Variants in TRPM8 observed in about 807,000 individuals in gnomAD.
TRPM8 encodes the protein transient receptor potential cation channel subfamily M member 8.
In TRPM8, 110 loss-of-function variants were observed where a neutral mutation model predicts 133.7. The observed-to-expected ratio is 0.82, with a 90% confidence interval of 0.70 to 0.96. The LOEUF (loss-of-function observed/expected upper bound fraction) is 0.96, where lower values mean the gene tolerates loss of function less well. Ranked by LOEUF, TRPM8 falls within the 40% of genes least tolerant of loss-of-function variation. The probability of loss-of-function intolerance (pLI) is 0.00; values close to 1 mark genes in which losing one functional copy is unlikely to be tolerated. For missense variants in TRPM8, 1,291 were observed against 1,379.5 expected (o/e 0.94, Z 1.02); for synonymous variants, 535 against 532.3 (o/e 1.01, Z -0.07).
In TRPM8 at chr2:233,985,678, A is replaced by G. The variant is rs773952580; in HGVS notation, c.2762-10A>G. 1.2e-5 allele frequency: 19 copies of G among 1,611,538 alleles called. No homozygotes were observed. Among genetic ancestry groups the G allele is most frequent in the Non-Finnish European group, 1.5e-5 (18 of 1,178,180 alleles). On this transcript the variant is annotated splice_polypyrimidine_tract_variant and intron_variant, in intron 20 of 25. Coordinates refer to ENST00000324695, the MANE Select transcript of TRPM8 (RefSeq NM_024080.5). Reference sequence around the variant, plus strand: ...GTCCTCACTTTGCCTGTTGGTTTCTACATCCTCAGGTACCACGTATGACTT... The same window carrying G: ...GTCCTCACTTTGCCTGTTGGTTTCTGCATCCTCAGGTACCACGTATGACTT...
At position 233,971,216 on chromosome 2, in the gene TRPM8, C is replaced by T. The variant is rs533516693; in HGVS notation, c.2355+790C>T. 2.0e-5 allele frequency among the ~76,000 whole-genome samples: 3 copies of T among 152,286 alleles called. No individual in the cohort carries two copies. The South Asian group carries it at 6.2e-4, about 32-fold the overall frequency. The stretch of plus-strand genomic sequence containing the variant: ...CTAGGCACTTACAGTTTCCGAGGTA[C>T]AATGCCGTGTGCTATGATAGATCTG... On this transcript the variant is annotated intron_variant, in intron 17 of 25. Coordinates refer to ENST00000324695, the MANE Select transcript of TRPM8 (RefSeq NM_024080.5).
intron 4 of TRPM8, among the ~76,000 whole-genome samples, chr2:233,938,499 C>T (rs1370861876): frequency 6.6e-6 from 1 of 152,210 alleles, no homozygotes; most frequent in African/African-American, 2.4e-5. Context: ...TGGTTTCATA[C>T]ATTTTAGGGA....
chr2:233,950,608 C>T (rs898446144), intron 9 of TRPM8, among the ~76,000 whole-genome samples: 6 of 152,238 alleles, frequency 3.9e-5, no homozygotes, highest in Admixed American at 6.5e-5. Context: ...CAGCGCCGGA[C>T]ACCTGCTGAC....
At chr2:233,949,922 C>G (rs1691132573) in intron 8 of TRPM8, 27 bp from the exon 9 acceptor site, 1 of 1,610,740 alleles carries the variant, frequency 6.2e-7, no homozygotes, top group Admixed American at 1.7e-5. Flanking sequence ...GGTCTCTGAT[C>G]TGTCTGACTC....
chr2:234,012,978 G>A (rs1282929242), intron 24 of TRPM8, among the ~76,000 whole-genome samples: 1 of 152,062 alleles, frequency 6.6e-6, no homozygotes, highest in Non-Finnish European at 1.5e-5. Flanking sequence ...ACCCCTGGGT[G>A]GTGGTGTCTT....
chr2:233,972,166 G>A (rs1248532693), intron 17 of TRPM8, among the ~76,000 whole-genome samples: 2 of 151,860 alleles, frequency 1.3e-5, no homozygotes, highest in Non-Finnish European at 2.9e-5. Flanking sequence ...ACAGAGTGAC[G>A]ATTGGTGTAT....
chr2:233,959,215 G>A (rs1298923273), intron 11 of TRPM8, among the ~76,000 whole-genome samples: 2 of 152,116 alleles, frequency 1.3e-5, no homozygotes, highest in South Asian at 2.1e-4. Flanking sequence ...TAGTAGAGAC[G>A]AGGTTTTACC....
intron 2 of TRPM8, among the ~76,000 whole-genome samples, chr2:233,929,316 T>C (rs761255506): frequency 6.6e-6 from 1 of 152,118 alleles, no homozygotes; most frequent in Non-Finnish European, 1.5e-5. Context: ...GTTCAAAGGA[T>C]TGGGAAGATA....
intron 4 of TRPM8, 104 bp downstream of exon 4, chr2:233,937,613 G>A (rs1690788420): frequency 7.4e-7 from 1 of 1,346,280 alleles, no homozygotes. Flanking sequence ...CAGGAGAGAT[G>A]GGTAGTAAAC....
At chr2:233,999,278 C>T (rs183784107) in intron 22 of TRPM8, among the ~76,000 whole-genome samples, 2 of 151,562 alleles carry the variant, frequency 1.3e-5, no homozygotes, top group African/African-American at 2.4e-5. Context: ...CATGCAGTGC[C>T]GGCTGGCCAG....
chr2:233,927,235 G>A (rs1337967143), intron 2 of TRPM8, among the ~76,000 whole-genome samples: 1 of 152,204 alleles, frequency 6.6e-6, no homozygotes, highest in African/African-American at 2.4e-5. Context: ...GGCTAGCTTT[G>A]GAAAGTAGGA....
At chr2:233,923,561 G>A (rs1691452857) in intron 1 of TRPM8, among the ~76,000 whole-genome samples, 1 of 152,136 alleles carries the variant, frequency 6.6e-6, no homozygotes, top group Admixed American at 6.5e-5. Flanking sequence ...GGGCTCCATG[G>A]GCCGGCATCC....
At chr2:233,984,585 C>T (rs1041916713) in intron 20 of TRPM8, among the ~76,000 whole-genome samples, 16 of 152,068 alleles carry the variant, frequency 1.1e-4, no homozygotes, top group African/African-American at 3.9e-4. Flanking sequence ...TTTTTGAAAT[C>T]TGTTTTTTCC....
At chr2:233,950,547 C>A (rs934966182) in intron 9 of TRPM8, among the ~76,000 whole-genome samples, 8 of 152,202 alleles carry the variant, frequency 5.3e-5, no homozygotes, top group African/African-American at 1.7e-4. Flanking sequence ...AACATTGCGA[C>A]TGCATATGCT....
rs145883985 is a variant in TRPM8 at position 234,019,388 on chromosome 2, G to A, written c.*2132G>A. ...TTAGTGTAGTTCACAATAATGTATT[G>A]AACATACTTCTAATCAAAGGTGCTA... On this transcript the variant is annotated 3_prime_UTR_variant, in exon 26 of 26. Transcript: ENST00000324695. 49 of 152,222 alleles carry A rather than the reference G, an allele frequency of 3.2e-4. No homozygotes were observed. In the East Asian group the frequency reaches 8.7e-3, roughly 27 times the overall value. 9.4% of individuals were successfully genotyped at this position (152,222 alleles called of 1,614,324 possible). A position where few individuals can be genotyped will look rare whatever the true frequency, so the allele number is the denominator to read the frequency against.
chr2:233,950,268 T>C, intron 9 of TRPM8, 122 bp downstream of exon 9: 1 of 972,464 alleles, frequency 1.0e-6, no homozygotes, highest in Non-Finnish European at 1.5e-6. Context: ...TCCGTGCCTT[T>C]GAGGCTCAAC....
At chr2:233,997,462 G>C (rs1037333234) in intron 22 of TRPM8, among the ~76,000 whole-genome samples, 1 of 152,154 alleles carries the variant, frequency 6.6e-6, no homozygotes, top group African/African-American at 2.4e-5. Context: ...ACCCTCCACA[G>C]CTGGAGCACA....
chr2:233,972,842 C>T (rs1433071677), intron 17 of TRPM8, among the ~76,000 whole-genome samples: 5 of 152,206 alleles, frequency 3.3e-5, no homozygotes, highest in Non-Finnish European at 7.3e-5. Flanking sequence ...TTCCCGCTCA[C>T]GCCACTCCTT....
At chr2:233,947,402 C>A (rs1691070529) in intron 8 of TRPM8, 1 of 1,496,826 alleles carries the variant, frequency 6.7e-7, no homozygotes, top group Non-Finnish European at 9.0e-7. Context: ...AGTCAACCTG[C>A]CAAAGAGAAG....
Sources: gnomAD v4.1 joint callset for allele counts (sites outside exome capture counted in the v4.1 genomes callset) on GRCh38, gnomAD v4.1.1 for gene constraint, MANE v1.5 for transcripts, NCBI Gene and HGNC (gene_info 2026-07-23, HGNC 2026-07-21) for gene names.